Variants in DNAJC5 observed in about 807,000 individuals in gnomAD.
DNAJC5 encodes the protein dnaJ homolog subfamily C member 5.
A neutral mutation model predicts 23.2 loss-of-function variants in DNAJC5; 1 was observed. That is an observed-to-expected ratio of 0.04 (90% CI 0.02 to 0.20). DNAJC5 has a LOEUF of 0.20. Ranked by LOEUF, DNAJC5 falls within the 10% of genes least tolerant of loss-of-function variation. The pLI, the probability that DNAJC5 is intolerant of heterozygous loss-of-function variation, is 1.00. For synonymous variants in DNAJC5, 136 were observed against 120.0 expected, an observed-to-expected ratio of 1.13 and a Z score of -0.87; for missense variants, 180 against 267.0, an observed-to-expected ratio of 0.67 and a Z score of 2.27.
In DNAJC5 at chr20:63,920,614, G is replaced by A. The variant is rs887267296; in HGVS notation, c.-11-7721G>A. Among the ~76,000 whole-genome samples, 36 of 152,350 alleles carry A rather than the reference G, an allele frequency of 2.4e-4. No individual in the cohort carries two copies. The highest frequency in any genetic ancestry group is 1.4e-3 in the Admixed American group (21 of 15,308). ...GCCCTGGGGCTGCTGCCAGCAGAAC[G>A]GACTGGGATACGCTGGATTTGTAAA... On this transcript the variant is annotated intron_variant, in intron 1 of 4. Transcript: ENST00000360864. This position sits in a 1 kb window ranked among gnomAD's most constrained non-coding sequence, Gnocchi z 4.6.
intron 1 of DNAJC5, among the ~76,000 whole-genome samples, chr20:63,904,137 C>G: frequency 6.6e-6 from 1 of 152,028 alleles, no homozygotes; most frequent in East Asian, 1.9e-4. Context: ...ACAAGGTTGC[C>G]GAATATGCAT....
Position 63,929,750 on chromosome 20 carries a change from T to C in DNAJC5, c.321+225T>C, listed in dbSNP as rs930452906. On this transcript the variant is annotated intron_variant, in intron 3 of 4. Coordinates refer to ENST00000360864, the MANE Select transcript of DNAJC5 (RefSeq NM_025219.3). The surrounding 1 kb of genome is among the most constrained non-coding windows in gnomAD (Gnocchi z 8.6). ...GCCGTGCGGGCACCCGAGTCTCTCC[T>C]GCCATGTGGGCACCCGGGTCACTCC... 2.0e-5 allele frequency among the ~76,000 whole-genome samples: 3 copies of C among 152,124 alleles called. No homozygotes were observed. The highest frequency in any genetic ancestry group is 6.5e-5 in the Admixed American group (1 of 15,276).
Position 63,929,538 on chromosome 20 carries a change from T to C in DNAJC5, c.321+13T>C, listed in dbSNP as rs2053644235. ...CTGGTGGGCCAAGGTGAGGGCGAGC[T>C]GCCTGCCGTGCGGGCACCCGAGTCA... On this transcript the variant is annotated intron_variant, in intron 3 of 4. Transcript: ENST00000360864. The surrounding 1 kb of genome is among the most constrained non-coding windows in gnomAD (Gnocchi z 8.6). The C allele has an allele frequency of 6.2e-7, 1 of 1,612,264 alleles. No individual in the cohort carries two copies. Among genetic ancestry groups the C allele is most frequent in the South Asian group, 1.1e-5 (1 of 91,048 alleles).
intron 1 of DNAJC5, among the ~76,000 whole-genome samples, chr20:63,900,176 A>C (rs1011092877): frequency 6.6e-6 from 1 of 152,080 alleles, no homozygotes; most frequent in East Asian, 1.9e-4. Flanking sequence ...GGCGTGAGCC[A>C]CTGAGCCCAG....
In DNAJC5 at chr20:63,922,844, A is replaced by G. The variant is rs116456995; in HGVS notation, c.-11-5491A>G. Among the ~76,000 whole-genome samples the G allele has an allele frequency of 6.4e-3, 970 of 152,230 alleles. 10 individuals carry two copies. The highest frequency in any genetic ancestry group is 0.022 in the African/African-American group (907 of 41,540). ...TTCCAGTGGTCTTCATTCCTTTCTAAAAATCTAGGTTTTAGCCGGACATGG... is the reference window on the plus strand; with the variant it reads ...TTCCAGTGGTCTTCATTCCTTTCTAGAAATCTAGGTTTTAGCCGGACATGG... On this transcript the variant is annotated intron_variant, in intron 1 of 4. Coordinates refer to ENST00000360864, the MANE Select transcript of DNAJC5 (RefSeq NM_025219.3).
chr20:63,901,580 C>G (rs115527237), intron 1 of DNAJC5, among the ~76,000 whole-genome samples: 2,865 of 152,326 alleles, frequency 0.019, 106 homozygotes, highest in African/African-American at 0.065. Flanking sequence ...CGAGCCCAGG[C>G]CAGAGGCCTC....
At chr20:63,899,393 C>T (rs4809244) in intron 1 of DNAJC5, among the ~76,000 whole-genome samples, 8,037 of 151,206 alleles carry the variant, frequency 0.053, 402 homozygotes, top group East Asian at 0.2. Context: ...TAGATTTTGT[C>T]TCTCATCACC....
rs577235763 is a variant in DNAJC5 at position 63,912,993 on chromosome 20, C to T, written c.-11-15342C>T. Among the ~76,000 whole-genome samples, 10 of 110,464 alleles carry T rather than the reference C, an allele frequency of 9.1e-5. No homozygotes were observed. In the South Asian group the frequency reaches 1.2e-3, roughly 13 times the overall value. 72.5% of individuals were successfully genotyped at this position (110,464 alleles called of 152,430 possible). On this transcript the variant is annotated intron_variant, in intron 1 of 4. Coordinates refer to ENST00000360864, the MANE Select transcript of DNAJC5 (RefSeq NM_025219.3). Reference sequence around the variant, plus strand: ...GAAATGCCAGTTGTATTTTATTTTTCGTATTTGTATTTTTAGCAATTTTTT... The same window carrying T: ...GAAATGCCAGTTGTATTTTATTTTTTGTATTTGTATTTTTAGCAATTTTTT...
chr20:63,919,423 G>A (rs1463397594), intron 1 of DNAJC5: 5 of 487,648 alleles, frequency 1.0e-5, no homozygotes, highest in South Asian at 3.0e-5. Context: ...CCAGGACAGC[G>A]CCACGGAAGA....
Position 63,929,193 on chromosome 20 carries a change from G to A in DNAJC5, c.108-119G>A. The A allele has an allele frequency of 8.5e-7, 1 of 1,177,596 alleles. No individual in the cohort carries two copies. Among genetic ancestry groups the A allele is most frequent in the Non-Finnish European group, 1.2e-6 (1 of 810,254 alleles). The allele number at this position is 1,177,596 out of a possible 1,614,324, so 72.9% of individuals were successfully genotyped here. A position where few individuals can be genotyped will look rare whatever the true frequency, so the allele number is the denominator to read the frequency against. On this transcript the variant is annotated intron_variant, in intron 2 of 4. Coordinates refer to ENST00000360864, the MANE Select transcript of DNAJC5 (RefSeq NM_025219.3). The surrounding 1 kb of genome is among the most constrained non-coding windows in gnomAD (Gnocchi z 8.6). Reference sequence around the variant, plus strand: ...GCCCTGGAGAGTCGGACAGTGAGGTGGCCTGGGTGGACCTGCCTTCCACTG... The same window carrying A: ...GCCCTGGAGAGTCGGACAGTGAGGTAGCCTGGGTGGACCTGCCTTCCACTG...
rs1064794557 is a variant in DNAJC5 at position 63,895,308 on chromosome 20, G to GCGGGCGGA, written c.-21_-14dup. 1.4e-5 allele frequency: 2 copies of GCGGGCGGA among 147,896 alleles called. No homozygotes were observed. Among genetic ancestry groups the GCGGGCGGA allele is most frequent in the Non-Finnish European group, 3.0e-5 (2 of 66,064 alleles). 9.2% of individuals were successfully genotyped at this position (147,896 alleles called of 1,614,324 possible). Reference sequence around the variant, plus strand: ...GCGGAGCCGGCGGGAGGGCGGGCGGGCGGGCGGACGGGCAGGTGAGCTCGC... The same window carrying GCGGGCGGA: ...GCGGAGCCGGCGGGAGGGCGGGCGGGCGGGCGGACGGGCGGACGGGCAGGTGAGCTCGC... On this transcript the variant is annotated 5_prime_UTR_variant, in exon 1 of 5. Coordinates refer to ENST00000360864, the MANE Select transcript of DNAJC5 (RefSeq NM_025219.3).
rs138261960 is a variant in DNAJC5, at chr20:63,899,329, C to T, written c.-12+4006C>T. ...TTAGCAGCTAGTCTGTTATCAGTCA[C>T]AGGCAGTTCAACCCAGAAGATTTAA... On this transcript the variant is annotated intron_variant, in intron 1 of 4. Coordinates refer to ENST00000360864, the MANE Select transcript of DNAJC5 (RefSeq NM_025219.3). 5.9e-5 allele frequency among the ~76,000 whole-genome samples: 9 copies of T among 152,258 alleles called. No homozygotes were observed. In the East Asian group the frequency reaches 1.7e-3, roughly 29 times the overall value.
At chr20:63,906,670 C>T (rs909285061) in intron 1 of DNAJC5, among the ~76,000 whole-genome samples, 20 of 151,922 alleles carry the variant, frequency 1.3e-4, no homozygotes, top group Non-Finnish European at 7.4e-5. Flanking sequence ...TATATAGTCC[C>T]AGCTACTCGG....
intron 1 of DNAJC5, among the ~76,000 whole-genome samples, chr20:63,909,544 C>T (rs2053469305): frequency 1.3e-5 from 2 of 148,386 alleles, no homozygotes; most frequent in African/African-American, 5.0e-5. Context: ...TAGCCGGGAG[C>T]AGTGATGCGT....
chr20:63,915,423 TAAAA>T (rs10542373), intron 1 of DNAJC5, among the ~76,000 whole-genome samples: 1 of 125,434 alleles, frequency 8.0e-6, no homozygotes, highest in African/African-American at 2.7e-5. Flanking sequence ...CTACAATTGG[TAAAA>T]AAAAAAAAAA....
intron 1 of DNAJC5, among the ~76,000 whole-genome samples, chr20:63,923,389 C>G (rs981095611): frequency 6.6e-6 from 1 of 151,280 alleles, no homozygotes; most frequent in African/African-American, 2.4e-5. Context: ...CTGCAGTGAG[C>G]CAAGATCGCA....
intron 1 of DNAJC5, among the ~76,000 whole-genome samples, chr20:63,906,778 T>A (rs2053451306): frequency 6.6e-6 from 1 of 151,864 alleles, no homozygotes; most frequent in Admixed American, 6.6e-5. Flanking sequence ...TGATCGAGAC[T>A]CTGTCTCAAA....
At chr20:63,896,909 C>T (rs1024390241) in intron 1 of DNAJC5, among the ~76,000 whole-genome samples, 5 of 152,060 alleles carry the variant, frequency 3.3e-5, no homozygotes, top group African/African-American at 7.3e-5. Context: ...AAGTCCTTGT[C>T]GGTGAGGACT....
intron 1 of DNAJC5, among the ~76,000 whole-genome samples, chr20:63,921,545 A>G (rs569418923): frequency 4.6e-5 from 7 of 150,660 alleles, no homozygotes; most frequent in African/African-American, 1.5e-4. Flanking sequence ...AAGCCGAGAT[A>G]GTGCCACTGC....
Sources: gnomAD v4.1 joint callset for allele counts (sites outside exome capture counted in the v4.1 genomes callset) on GRCh38, gnomAD v4.1.1 for gene constraint, Gnocchi (gnomAD v3.1) non-coding constraint, MANE v1.5 for transcripts, NCBI Gene and HGNC (gene_info 2026-07-23, HGNC 2026-07-21) for gene names.